The following ADCY5 variants were observed in gnomAD, a reference collection of about 807,000 sequenced individuals.
The protein encoded by ADCY5 is adenylate cyclase type 5.
A neutral mutation model predicts 119.7 loss-of-function variants in ADCY5; 30 were observed. The observed-to-expected ratio is 0.25, with a 90% CI of 0.19 to 0.34. ADCY5 has a LOEUF of 0.34. Among genes scored for constraint, ADCY5 ranks in the 10% least tolerant of loss-of-function variants. ADCY5 has a pLI of 1.00. For missense variants in ADCY5, 1,324 were observed against 1,775.2 expected (o/e 0.75, Z 4.57); for synonymous variants, 753 against 762.2 (o/e 0.99, Z 0.20).
At chr3:123,336,172 C>A (rs4073374) in intron 3 of ADCY5, among the ~76,000 whole-genome samples, 19,245 of 152,266 alleles carry the variant, frequency 0.13, 1,681 homozygotes, top group East Asian at 0.47. Context: ...CTGGCGTGTG[C>A]ATGCCTGGGG....
At chr3:123,298,403 A>G (rs954429002) in intron 15 of ADCY5, among the ~76,000 whole-genome samples, 1 of 152,134 alleles carries the variant, frequency 6.6e-6, no homozygotes, top group Admixed American at 6.5e-5. Flanking sequence ...GATGGGAAGG[A>G]GCAGTAAGAG....
At chr3:123,334,833 C>A (rs1296848050) in intron 3 of ADCY5, among the ~76,000 whole-genome samples, 1 of 152,200 alleles carries the variant, frequency 6.6e-6, no homozygotes, top group Non-Finnish European at 1.5e-5. Context: ...TGTCACGTAT[C>A]CACAGTGTGG....
chr3:123,396,059 AGGGT>A (rs1244209715), intron 1 of ADCY5, among the ~76,000 whole-genome samples: 559 of 30,990 alleles, frequency 0.018, no homozygotes, highest in Non-Finnish European at 0.022. Flanking sequence ...AGAGGGAGGG[AGGGT>A]GGGAGGGAGA....
At chr3:123,304,261 G>C (rs78919930) in intron 12 of ADCY5, 78 bp from the exon 13 acceptor site, 1 of 979,906 alleles carries the variant, frequency 1.0e-6, no homozygotes, top group Non-Finnish European at 1.6e-6. Context: ...AAATGGTCCC[G>C]GGAGTGCAGT....
At chr3:123,363,726 T>C (rs1198347551) in intron 1 of ADCY5, among the ~76,000 whole-genome samples, 2 of 152,254 alleles carry the variant, frequency 1.3e-5, no homozygotes, top group Non-Finnish European at 2.9e-5. Context: ...TTGGGCAACA[T>C]AGTGAGACCC....
intron 1 of ADCY5, among the ~76,000 whole-genome samples, chr3:123,435,889 T>TATTATTATC (rs1553750020): frequency 1.0e-4 from 15 of 145,644 alleles, no homozygotes; most frequent in African/African-American, 3.3e-4. Context: ...TTATTATTAT[T>TATTATTATC]ATTATTATTA....
intron 1 of ADCY5, among the ~76,000 whole-genome samples, chr3:123,428,513 G>A (rs1945456765): frequency 6.6e-6 from 1 of 152,148 alleles, no homozygotes; most frequent in Non-Finnish European, 1.5e-5. Context: ...TGTCCTCTGA[G>A]AATCACCAGG....
chr3:123,320,458 G>A (rs1208867882), intron 9 of ADCY5, among the ~76,000 whole-genome samples: 2 of 152,246 alleles, frequency 1.3e-5, no homozygotes, highest in Admixed American at 1.3e-4. Context: ...TGTAAGGTCT[G>A]CACTTTCCTG....
rs968747335 is a variant in ADCY5 at position 123,352,025 on chromosome 3, C to A, written c.1284+407G>T. Among the ~76,000 whole-genome samples the A allele has an allele frequency of 2.6e-5, 4 of 152,232 alleles. No individual in the cohort carries two copies. Among genetic ancestry groups the A allele is most frequent in the African/African-American group, 7.2e-5 (3 of 41,468 alleles). ...CCTCTTCTTCTCCCTCATCCCTCCC[C>A]TGCGGAGCACCTTAATCCCAGTTAG... On this transcript the variant is annotated intron_variant, in intron 2 of 20. Transcript: ENST00000462833. The surrounding 1 kb of genome is among the most constrained non-coding windows in gnomAD (Gnocchi z 4.8).
rs1466813782 is a variant in ADCY5, at chr3:123,283,285, C to A, written c.*1323G>T. 6.6e-6 allele frequency: 1 copy of A among 152,234 alleles called. No homozygotes were observed. Among genetic ancestry groups the A allele is most frequent in the African/African-American group, 2.4e-5 (1 of 41,460 alleles). The allele number at this position is 152,234 out of a possible 1,614,324, so 9.4% of individuals were successfully genotyped here. On this transcript the variant is annotated 3_prime_UTR_variant, in exon 21 of 21. Transcript: ENST00000462833. ...CAAAGCACCTGGCCTTCTGTAAGCA[C>A]TCTGGAATCTGTGGGCGCTGCCTCT...
chr3:123,403,874 AT>A (rs1944836908), intron 1 of ADCY5, among the ~76,000 whole-genome samples: 1 of 152,094 alleles, frequency 6.6e-6, no homozygotes, highest in African/African-American at 2.4e-5. Context: ...TCTGGAATCC[AT>A]ATCCATCCTC....
At chr3:123,385,993 C>A (rs777359821) in intron 1 of ADCY5, among the ~76,000 whole-genome samples, 2 of 152,100 alleles carry the variant, frequency 1.3e-5, no homozygotes, top group Admixed American at 6.5e-5. Flanking sequence ...CTGACACTGA[C>A]CTGAGGTCAA....
chr3:123,414,897 C>T (rs991378524), intron 1 of ADCY5, among the ~76,000 whole-genome samples: 3 of 152,182 alleles, frequency 2.0e-5, no homozygotes, highest in African/African-American at 7.2e-5. Context: ...GGAGGATCGA[C>T]AGATGAGGAA....
intron 9 of ADCY5, among the ~76,000 whole-genome samples, chr3:123,320,258 T>C (rs1348160388): frequency 6.6e-6 from 1 of 152,216 alleles, no homozygotes; most frequent in African/African-American, 2.4e-5. Flanking sequence ...ACCTGGTTTC[T>C]TTCACCCAGC....
chr3:123,332,200 A>G (rs1005932668), intron 4 of ADCY5, among the ~76,000 whole-genome samples: 5 of 152,230 alleles, frequency 3.3e-5, no homozygotes, highest in African/African-American at 1.2e-4. Context: ...TCAGGAATGT[A>G]GCTTGATGGC....
intron 1 of ADCY5, among the ~76,000 whole-genome samples, chr3:123,426,621 G>A (rs561504305): frequency 1.3e-5 from 2 of 152,292 alleles, no homozygotes; most frequent in Middle Eastern, 6.8e-3. Flanking sequence ...GTGAGCCACT[G>A]CGCCTGGCCA....
intron 18 of ADCY5, among the ~76,000 whole-genome samples, 173 bp downstream of exon 18, chr3:123,290,940 G>A (rs1939105989): frequency 6.6e-6 from 1 of 152,178 alleles, no homozygotes; most frequent in African/African-American, 2.4e-5. Flanking sequence ...TGTGTGCAAG[G>A]TGCCCATTGC....
chr3:123,332,375 G>A (rs943205959), intron 4 of ADCY5, among the ~76,000 whole-genome samples, 189 bp downstream of exon 4: 15 of 152,252 alleles, frequency 9.9e-5, no homozygotes, highest in Admixed American at 9.8e-4. Flanking sequence ...TGTGTCTCCA[G>A]GGCCCACGCA....
Position 123,347,767 on chromosome 3 carries a change from C to T in ADCY5, c.1406+15G>A, listed in dbSNP as rs1207146154. On this transcript the variant is annotated intron_variant, in intron 3 of 20. Coordinates refer to ENST00000462833, the MANE Select transcript of ADCY5 (RefSeq NM_183357.3). ...CTCCCTCCCTTCCATCCTCCTCCCC[C>T]AGCTTCACCCCTACCTCACGTTGTC... 2 of 1,613,918 alleles carry T rather than the reference C, an allele frequency of 1.2e-6. No homozygotes were observed. The highest frequency in any genetic ancestry group is 2.2e-5 in the East Asian group (1 of 44,860).
Sources: gnomAD v4.1 joint callset for allele counts (sites outside exome capture counted in the v4.1 genomes callset) on GRCh38, gnomAD v4.1.1 for gene constraint, Gnocchi (gnomAD v3.1) non-coding constraint, MANE v1.5 for transcripts, NCBI Gene and HGNC (gene_info 2026-07-23, HGNC 2026-07-21) for gene names.